Variants in NUP54 observed in about 807,000 individuals in gnomAD.
NUP54 encodes nucleoporin p54.
In NUP54, 27 loss-of-function variants were observed where a neutral mutation model predicts 66.4. The ratio of observed to expected loss-of-function variants is 0.41; its 90% CI spans 0.30 to 0.56. The LOEUF (loss-of-function observed/expected upper bound fraction) is 0.56. NUP54 is among the 20% of genes least tolerant of loss of function. The pLI is 0.34. For missense variants in NUP54, 486 were observed against 596.3 expected (o/e 0.82, Z 1.93); for synonymous variants, 206 against 210.7 (o/e 0.98, Z 0.19).
Position 76,115,327 on chromosome 4 carries a change from A to G in NUP54, c.*39T>C. On this transcript the variant is annotated 3_prime_UTR_variant, in exon 12 of 12. Coordinates refer to ENST00000264883, the MANE Select transcript of NUP54 (RefSeq NM_017426.4). ...TTAAGGAAGGTCTGATGCAGTAAGA[A>G]GATGCATTTCACAAACCTTTACACA... The G allele has an allele frequency of 6.6e-7, 1 of 1,525,048 alleles. No homozygotes were observed. Among genetic ancestry groups the G allele is most frequent in the East Asian group, 2.4e-5 (1 of 40,926 alleles). 94.5% of individuals were successfully genotyped at this position (1,525,048 alleles called of 1,614,324 possible).
intron 4 of NUP54, 128 bp from the exon 5 acceptor site, chr4:76,134,490 G>A: frequency 2.6e-6 from 2 of 768,496 alleles, no homozygotes; most frequent in Non-Finnish European, 4.1e-6. Flanking sequence ...AGGGAATAAT[G>A]ATTCTTCCCA....
rs749517980 is a variant in NUP54 at position 76,132,514 on chromosome 4, G to A, written c.907+9C>T. On this transcript the variant is annotated intron_variant, in intron 6 of 11. Transcript: ENST00000264883. ...TTTTTTTTTGAACTCTGTGATTCTA[G>A]AAACATACCAGCAGGAGGATTCTGT... 2 of 1,561,240 alleles carry A rather than the reference G, an allele frequency of 1.3e-6. No homozygotes were observed. The highest frequency in any genetic ancestry group is 2.3e-5 in the East Asian group (1 of 43,246).
intron 3 of NUP54, among the ~76,000 whole-genome samples, chr4:76,139,484 C>A (rs1053574641): frequency 6.6e-6 from 1 of 152,020 alleles, no homozygotes; most frequent in East Asian, 1.9e-4. Flanking sequence ...GGGCATTTAA[C>A]AAGACAACTG....
At chr4:76,125,861 G>GTAGGGAGA (rs1560679711) in intron 8 of NUP54, among the ~76,000 whole-genome samples, 1 of 42,596 alleles carries the variant, frequency 2.3e-5, no homozygotes. Context: ...AGGGGGAGGG[G>GTAGGGAGA]GAGGGAGAGA....
At chr4:76,134,591 C>T (rs1346747158) in intron 4 of NUP54, among the ~76,000 whole-genome samples, 1 of 147,646 alleles carries the variant, frequency 6.8e-6, no homozygotes, top group Non-Finnish European at 1.5e-5. Context: ...TTAACATTTC[C>T]TCTTTGAGAG....
chr4:76,147,565 G>T (rs563921637), intron 1 of NUP54: 53 of 1,289,652 alleles, frequency 4.1e-5, no homozygotes, highest in Middle Eastern at 4.3e-4. Context: ...GTTCACTGCA[G>T]GATTAGCAGT....
At chr4:76,132,815 G>T in intron 5 of NUP54, 96 bp from the exon 6 acceptor site, 3 of 855,278 alleles carry the variant, frequency 3.5e-6, no homozygotes, top group Non-Finnish European at 1.8e-6. Flanking sequence ...AAGGGTTTAA[G>T]TTGAATTCAG....
At chr4:76,119,709 C>T (rs982210097) in intron 9 of NUP54, among the ~76,000 whole-genome samples, 5 of 151,840 alleles carry the variant, frequency 3.3e-5, no homozygotes, top group South Asian at 4.1e-4. Context: ...AACAATGCAT[C>T]GGGGGAAAGG....
rs781439709 is a variant in NUP54 at position 76,130,733 on chromosome 4, T to C, written c.979A>G (p.Met327Val). 3.0e-5 allele frequency: 48 copies of C among 1,612,604 alleles called. No individual in the cohort carries two copies. Among genetic ancestry groups the C allele is most frequent in the African/African-American group, 4.0e-5 (3 of 74,904 alleles). ...CGGAGAAGTTCCTTAAAACCCACCA[T>C]TGGTACAGGAATTAACCTGAAGAAA... ...PDSEKLIPVP[M>V]VGFKELLRRL... The change falls in exon 8 of 12, where the codon ATG (methionine) becomes GTG (valine). Residue 327 changes from methionine to valine, a missense_variant. By Grantham distance (21) the Met-to-Val change is conservative (BLOSUM62 1). Coordinates refer to ENST00000264883, the MANE Select transcript of NUP54 (RefSeq NM_017426.4).
At chr4:76,122,199 G>T in intron 9 of NUP54, among the ~76,000 whole-genome samples, 1 of 152,242 alleles carries the variant, frequency 6.6e-6, no homozygotes, top group Admixed American at 6.5e-5. Flanking sequence ...CTTGGTCATA[G>T]TATATTTTTT....
At chr4:76,125,651 A>G (rs1389012339) in intron 8 of NUP54, among the ~76,000 whole-genome samples, 1 of 19,738 alleles carries the variant, frequency 5.1e-5, no homozygotes, top group South Asian at 3.7e-3. Flanking sequence ...GGAGAGGGGG[A>G]GAGGGAGAGA....
rs759019408 is a variant in NUP54 at position 76,124,633 on chromosome 4, A to G, written c.1164+16T>C. ...ATAGTCTTATAAACACTGGGGGGGAAAATCCAAATTACTACCTGTAAAGTT... is the reference window on the plus strand; with the variant it reads ...ATAGTCTTATAAACACTGGGGGGGAGAATCCAAATTACTACCTGTAAAGTT... On this transcript the variant is annotated intron_variant, in intron 9 of 11. Coordinates refer to ENST00000264883, the MANE Select transcript of NUP54 (RefSeq NM_017426.4). The G allele has an allele frequency of 4.7e-6, 6 of 1,286,948 alleles. No homozygotes were observed. The highest frequency in any genetic ancestry group is 1.2e-5 in the South Asian group (1 of 82,300). 79.7% of individuals were successfully genotyped at this position (1,286,948 alleles called of 1,614,324 possible).
Position 76,117,797 on chromosome 4 carries a change from A to G in NUP54, c.1285-23T>C, listed in dbSNP as rs182063729. 7.1e-6 allele frequency: 11 copies of G among 1,549,738 alleles called. No individual in the cohort carries two copies. The Admixed American group carries it at 1.7e-4, about 24-fold the overall frequency. On this transcript the variant is annotated intron_variant, in intron 10 of 11. Transcript: ENST00000264883. ...GCCCTAAAAGTTAAGACTGAGTCAA[A>G]TTACAACTGCCGACGAAGACTTGTA... is the stretch of plus-strand genomic sequence containing the variant.
Position 76,136,410 on chromosome 4 carries a change from A to C in NUP54, c.298T>G (p.Leu100Val). Residue 100 changes from leucine (L) to valine (V), a missense_variant and splice_region_variant, in exon 4 of 12, where the codon TTA becomes GTA. Coordinates refer to ENST00000264883, the MANE Select transcript of NUP54 (RefSeq NM_017426.4). Reference protein sequence around the residue: ...FNTQQQQQTTLGGLFSQPTQA... With the variant: ...FNTQQQQQTTVGGLFSQPTQA... Reference sequence around the variant, plus strand: ...GTAGGCTGACTGAAGAGACCACCTAATGCTAAAAATGTACCCAAAATTAGT... The same window carrying C: ...GTAGGCTGACTGAAGAGACCACCTACTGCTAAAAATGTACCCAAAATTAGT... 5 of 1,606,110 alleles carry C rather than the reference A, an allele frequency of 3.1e-6. No individual in the cohort carries two copies. Among genetic ancestry groups the C allele is most frequent in the Non-Finnish European group, 4.3e-6 (5 of 1,175,376 alleles).
In NUP54 at chr4:76,136,380, C is replaced by T; in HGVS notation, c.328G>A (p.Ala110Thr). ...ATCAGCTGGTTGGACTGGGTAGGAGCTTGTGTAGGCTGACTGAAGAGACCA... is the reference window on the plus strand; with the variant it reads ...ATCAGCTGGTTGGACTGGGTAGGAGTTTGTGTAGGCTGACTGAAGAGACCA... ...LGGLFSQPTQ[A>T]PTQSNQLINT... The change falls in exon 4 of 12, where the codon GCT becomes ACT. Residue 110 changes from alanine (A) to threonine (T), a missense_variant. Coordinates refer to ENST00000264883, the MANE Select transcript of NUP54 (RefSeq NM_017426.4). 6.2e-7 allele frequency: 1 copy of T among 1,613,984 alleles called. No homozygotes were observed. The highest frequency in any genetic ancestry group is 1.1e-5 in the South Asian group (1 of 91,070).
chr4:76,120,718 CG>C (rs1045547571), intron 9 of NUP54, among the ~76,000 whole-genome samples: 1 of 152,152 alleles, frequency 6.6e-6, no homozygotes, highest in African/African-American at 2.4e-5. Context: ...TGAGCCACTG[CG>C]CCCGGCCAGG....
chr4:76,122,408 T>C (rs1469493232), intron 9 of NUP54, among the ~76,000 whole-genome samples: 1 of 152,184 alleles, frequency 6.6e-6, no homozygotes, highest in African/African-American at 2.4e-5. Flanking sequence ...CCAAGCCCCT[T>C]GTAGTCACAC....
chr4:76,124,807 T>C, intron 8 of NUP54, 51 bp from the exon 9 acceptor site: 1 of 732,652 alleles, frequency 1.4e-6, no homozygotes, highest in Non-Finnish European at 2.4e-6. Context: ...ATCACAACTA[T>C]TTATCAGTTA....
chr4:76,133,365 GCTCA>G lies in NUP54; in HGVS notation c.711-650_711-647del, dbSNP rs1730896076. 1.2e-4 allele frequency among the ~76,000 whole-genome samples: 18 copies of G among 151,868 alleles called. No individual in the cohort carries two copies. In the South Asian group the frequency reaches 3.5e-3, roughly 30 times the overall value. On this transcript the variant is annotated intron_variant, in intron 5 of 11. Transcript: ENST00000264883. ...CTGTCCCTCAGGCTGGAGTTCAGTG[GCTCA>G]ATCTTGGCTCACTGCAAGCTCCGCC...
Sources: allele counts gnomAD v4.1 joint callset (sites outside exome capture counted in the v4.1 genomes callset), GRCh38; gene constraint gnomAD v4.1.1; transcripts MANE v1.5; gene names NCBI Gene and HGNC (gene_info 2026-07-23, HGNC 2026-07-21).